PCDHB9: variants seen among roughly 807,000 people sequenced by gnomAD.
The protein encoded by PCDHB9 is protocadherin beta-9.
For missense variants in PCDHB9, 1,072 were observed against 995.1 expected (o/e 1.08, Z -1.04); for synonymous variants, 501 against 439.7 (o/e 1.14, Z -1.75).
Position 141,188,641 on chromosome 5 carries a change from C to T in PCDHB9, c.1323C>T (p.Val441=). ...CCGAGCACAGCATAACCCTGCAGGT[C>T]TCCGACGTCAATGACAACGCCCCCG... ...LKTEHSITLQ[V]SDVNDNAPAF... Residue 441 remains valine, a synonymous_variant, in exon 1 of 1, where the codon GTC becomes GTT. Coordinates refer to ENST00000316105, the MANE Select transcript of PCDHB9 (RefSeq NM_019119.5). 6.2e-7 allele frequency: 1 copy of T among 1,614,162 alleles called. No individual in the cohort carries two copies. The highest frequency in any genetic ancestry group is 1.1e-5 in the South Asian group (1 of 91,084).
Position 141,187,174 on chromosome 5 carries a change from G to A in PCDHB9, c.-145G>A. ...CAAAAAGGAAACACTGAGACAGATG[G>A]GCTGAGAAGAAGAGCTGTCGAGTCC... On this transcript the variant is annotated 5_prime_UTR_variant, in exon 1 of 1. Coordinates refer to ENST00000316105, the MANE Select transcript of PCDHB9 (RefSeq NM_019119.5). The A allele has an allele frequency of 8.6e-7, 1 of 1,161,914 alleles. No homozygotes were observed. The highest frequency in any genetic ancestry group is 1.2e-6 in the Non-Finnish European group (1 of 832,994). The allele number at this position is 1,161,914 out of a possible 1,614,324, so 72.0% of individuals were successfully genotyped here.
Position 141,187,484 on chromosome 5 carries a change from GA to G in PCDHB9, c.167del (p.Glu56GlyfsTer54), listed in dbSNP as rs1554282796. 1.9e-6 allele frequency: 3 copies of G among 1,612,808 alleles called. No homozygotes were observed. The highest frequency in any genetic ancestry group is 2.5e-6 in the Non-Finnish European group (3 of 1,179,272). ...TCTGGCAAAGGATCTGGGACTAGCA[GA>G]GGGGGAGCTGGCTGCAAGGGGAACC... ...VNLAKDLGLA[E>X]GELAARGTRV... is the part of the protein sequence containing the mutation. On this transcript the variant is annotated frameshift_variant, in exon 1 of 1. Transcript: ENST00000316105. LOFTEE classifies it low-confidence loss of function (END_TRUNC).
Position 141,189,520 on chromosome 5 carries a change from G to A in PCDHB9, c.2202G>A (p.Gly734=), listed in dbSNP as rs782534419. The change falls in exon 1 of 1, where the codon GGG becomes GGA. Residue 734 remains glycine, a synonymous_variant. Coordinates refer to ENST00000316105, the MANE Select transcript of PCDHB9 (RefSeq NM_019119.5). The part of the protein sequence containing the change: ...RCSVPEGPFP[G]HLVDVSGTGT... ...CGGTGCCCGAGGGTCCTTTTCCAGG[G>A]CATCTGGTGGACGTGAGCGGCACCG... 2.4e-5 allele frequency: 39 copies of A among 1,613,946 alleles called. No individual in the cohort carries two copies. The Admixed American group carries it at 6.3e-4, about 26-fold the overall frequency.
chr5:141,189,033 G>T lies in PCDHB9; in HGVS notation c.1715G>T (p.Cys572Phe), dbSNP rs782552458. Residue 572 changes from cysteine to phenylalanine, a missense_variant, in exon 1 of 1, where the codon TGC (cysteine) becomes TTC (phenylalanine). By Grantham distance (205) the Cys-to-Phe change is radical. Transcript: ENST00000316105. ...LYPLQNGSAP[C>F]TELVPRAAEP... The stretch of plus-strand genomic sequence containing the variant: ...CCGCTGCAGAACGGCTCCGCGCCCT[G>T]CACCGAGCTGGTGCCCCGGGCGGCC... The T allele has an allele frequency of 1.2e-6, 2 of 1,609,088 alleles. No homozygotes were observed. The highest frequency in any genetic ancestry group is 3.3e-5 in the Admixed American group (2 of 59,958).
At position 141,189,851 on chromosome 5, in the gene PCDHB9, AG is replaced by A; in HGVS notation, c.*140del. 1.5e-6 allele frequency: 1 copy of A among 658,734 alleles called. No individual in the cohort carries two copies. Among genetic ancestry groups the A allele is most frequent in the East Asian group, 3.0e-5 (1 of 33,316 alleles). 40.8% of individuals were successfully genotyped at this position (658,734 alleles called of 1,614,324 possible). ...TTTGCGTATTATGCTTAACTTCACA[AG>A]TTAACTTTTTCTTATTTTGTATCCT... On this transcript the variant is annotated 3_prime_UTR_variant, in exon 1 of 1. Coordinates refer to ENST00000316105, the MANE Select transcript of PCDHB9 (RefSeq NM_019119.5).
chr5:141,188,128 C>T lies in PCDHB9; in HGVS notation c.810C>T (p.Asp270=), dbSNP rs1753786101. The part of the protein sequence containing the change: ...LIVKVSAGDA[D]SGVNAEVSYS... ...TTAAAGTGTCTGCAGGAGATGCAGA[C>T]TCAGGAGTCAATGCAGAAGTATCCT... The change falls in exon 1 of 1, where the codon GAC becomes GAT. Residue 270 remains aspartate, a synonymous_variant. Coordinates refer to ENST00000316105, the MANE Select transcript of PCDHB9 (RefSeq NM_019119.5). The T allele has an allele frequency of 6.2e-7, 1 of 1,612,968 alleles. No homozygotes were observed. Among genetic ancestry groups the T allele is most frequent in the Non-Finnish European group, 8.5e-7 (1 of 1,179,334 alleles).
Position 141,189,173 on chromosome 5 carries a change from G to A in PCDHB9, c.1855G>A (p.Ala619Thr), listed in dbSNP as rs782150078. The change falls in exon 1 of 1, where the codon GCG (alanine) becomes ACG (threonine). Residue 619 changes from alanine to threonine, a missense_variant. By Grantham distance (58) the Ala-to-Thr change is moderately conservative (BLOSUM62 0). Coordinates refer to ENST00000316105, the MANE Select transcript of PCDHB9 (RefSeq NM_019119.5). ...ATEPGLFGVW[A>T]HNGEVRTARL... ...GGAGCCCGGGCTGTTCGGTGTGTGG[G>A]CGCACAATGGGGAGGTGCGCACCGC... is the stretch of plus-strand genomic sequence containing the variant. 3.7e-6 allele frequency: 6 copies of A among 1,602,090 alleles called. No homozygotes were observed. In the South Asian group the frequency reaches 5.5e-5, roughly 15 times the overall value.
At position 141,188,295 on chromosome 5, in the gene PCDHB9, G is replaced by A. The variant is rs1753791648; in HGVS notation, c.977G>A (p.Gly326Asp). 1 of 1,614,026 alleles carries A rather than the reference G, an allele frequency of 6.2e-7. No homozygotes were observed. The highest frequency in any genetic ancestry group is 8.5e-7 in the Non-Finnish European group (1 of 1,180,040). The change falls in exon 1 of 1, where the codon GGC becomes GAC. Residue 326 changes from glycine to aspartate, a missense_variant. Coordinates refer to ENST00000316105, the MANE Select transcript of PCDHB9 (RefSeq NM_019119.5). ...AATATACAGGCAATGGACGGCGGAGGCCTTTCTGCAAGATGTACAGTTTTG... is the reference window on the plus strand; with the variant it reads ...AATATACAGGCAATGGACGGCGGAGACCTTTCTGCAAGATGTACAGTTTTG... ...KINIQAMDGG[G>D]LSARCTVLIK... is the part of the protein sequence containing the mutation.
chr5:141,189,056 G>T lies in PCDHB9; in HGVS notation c.1738G>T (p.Ala580Ser), dbSNP rs1554283227. 6.2e-7 allele frequency: 1 copy of T among 1,606,604 alleles called. No individual in the cohort carries two copies. The highest frequency in any genetic ancestry group is 1.3e-5 in the African/African-American group (1 of 74,796). The change falls in exon 1 of 1, where the codon GCC (alanine) becomes TCC (serine). Residue 580 changes from alanine (A) to serine (S), a missense_variant. Transcript: ENST00000316105. Reference protein sequence around the residue: ...APCTELVPRAAEPGYLVTKVV... With the variant: ...APCTELVPRASEPGYLVTKVV... ...CTGCACCGAGCTGGTGCCCCGGGCG[G>T]CCGAGCCGGGCTACCTGGTGACCAA...
Position 141,188,004 on chromosome 5 carries a change from G to T in PCDHB9, c.686G>T (p.Arg229Leu), listed in dbSNP as rs782120289. 8.6e-5 allele frequency: 139 copies of T among 1,613,868 alleles called. No individual in the cohort carries two copies. The highest frequency in any genetic ancestry group is 1.2e-4 in the Non-Finnish European group (136 of 1,180,000). ...SPSRSGTSTI[R>L]IVVLDVNDNV... ...TCCAGGTCTGGGACCTCCACTATAC[G>T]CATTGTGGTCTTGGATGTCAATGAC... Residue 229 changes from arginine (R) to leucine (L), a missense_variant, in exon 1 of 1, where the codon CGC becomes CTC. Physicochemically the swap from Arg to Leu is moderately radical, Grantham distance 102. Transcript: ENST00000316105.
Position 141,191,378 on chromosome 5 carries a change from C to G in PCDHB9, c.*1666C>G, listed in dbSNP as rs1349773688. Reference sequence around the variant, plus strand: ...AAGATAGGTGTTAGTGTGGTCTGTTCTTTACCTCCCTTTATTTGGTGCAGA... The same window carrying G: ...AAGATAGGTGTTAGTGTGGTCTGTTGTTTACCTCCCTTTATTTGGTGCAGA... On this transcript the variant is annotated 3_prime_UTR_variant, in exon 1 of 1. Transcript: ENST00000316105. The G allele has an allele frequency of 2.0e-5, 3 of 152,144 alleles. No individual in the cohort carries two copies. The highest frequency in any genetic ancestry group is 4.4e-5 in the Non-Finnish European group (3 of 68,012). 9.4% of individuals were successfully genotyped at this position (152,144 alleles called of 1,614,324 possible). A position where few individuals can be genotyped will look rare whatever the true frequency, so the allele number is the denominator to read the frequency against.
At position 141,187,871 on chromosome 5, in the gene PCDHB9, A is replaced by G. The variant is rs17844512; in HGVS notation, c.553A>G (p.Ser185Gly). ...NSFFHIKISG[S>G]DEGMIYPELV... The stretch of plus-strand genomic sequence containing the variant: ...TTTTTTCCATATTAAAATTAGTGGC[A>G]GTGATGAAGGCATGATATATCCAGA... The change falls in exon 1 of 1, where the codon AGT becomes GGT. Residue 185 changes from serine to glycine, a missense_variant. Ser to Gly is a moderately conservative substitution (Grantham distance 56). Coordinates refer to ENST00000316105, the MANE Select transcript of PCDHB9 (RefSeq NM_019119.5). 0.23 allele frequency: 375,693 copies of G among 1,614,006 alleles called. 48,270 individuals carry two copies. Among genetic ancestry groups the G allele is most frequent in the East Asian group, 0.53 (23,802 of 44,862 alleles).
chr5:141,190,658 C>CAA lies in PCDHB9; in HGVS notation c.*961_*962dup, dbSNP rs201095971. ...TGTAAATGGGCTTTAGTCTGGAAAC[C>CAA]AAAAAAAAAAAAAAAATTTAGTCAT... On this transcript the variant is annotated 3_prime_UTR_variant, in exon 1 of 1. Transcript: ENST00000316105. 0.059 allele frequency: 7,014 copies of CAA among 118,458 alleles called. 354 individuals are homozygous for CAA. The highest frequency in any genetic ancestry group is 0.089 in the African/African-American group (2,843 of 31,780). The allele number at this position is 118,458 out of a possible 1,614,324, so 7.3% of individuals were successfully genotyped here. A position where few individuals can be genotyped will look rare whatever the true frequency, so the allele number is the denominator to read the frequency against.
chr5:141,190,012 CTT>C lies in PCDHB9; in HGVS notation c.*301_*302del, dbSNP rs1273252633. On this transcript the variant is annotated 3_prime_UTR_variant, in exon 1 of 1. Transcript: ENST00000316105. ...ATTGCCTCTACATTATTCATTAGTT[CTT>C]CTTTTCCTAAAACTTTTTACTTGTT... The C allele has an allele frequency of 8.2e-6, 2 of 244,354 alleles. No homozygotes were observed. The highest frequency in any genetic ancestry group is 1.5e-5 in the Non-Finnish European group (2 of 129,174). 15.1% of individuals were successfully genotyped at this position (244,354 alleles called of 1,614,324 possible). A position where few individuals can be genotyped will look rare whatever the true frequency, so the allele number is the denominator to read the frequency against.
rs201992930 is a variant in PCDHB9, at chr5:141,189,283, C to G, written c.1965C>G (p.Thr655=). 55 of 1,608,662 alleles carry G rather than the reference C, an allele frequency of 3.4e-5. 1 individual carries two copies. The African/African-American group carries it at 6.5e-4, about 19-fold the overall frequency. The change falls in exon 1 of 1, where the codon ACC becomes ACG. Residue 655 remains threonine, a synonymous_variant. Coordinates refer to ENST00000316105, the MANE Select transcript of PCDHB9 (RefSeq NM_019119.5). ...ATGGCGAGCCTCCTCGCTCGGCCACCGCCACGCTGCACGTGCTCCTGGTGG... is the reference window on the plus strand; with the variant it reads ...ATGGCGAGCCTCCTCGCTCGGCCACGGCCACGCTGCACGTGCTCCTGGTGG... The part of the protein sequence containing the change: ...KDNGEPPRSA[T]ATLHVLLVDG...
In PCDHB9 at chr5:141,187,254, G is replaced by T. The variant is rs1753757244; in HGVS notation, c.-65G>T. 2.3e-5 allele frequency: 34 copies of T among 1,500,922 alleles called. No homozygotes were observed. In the Admixed American group the frequency reaches 6.1e-4, roughly 27 times the overall value. The allele number at this position is 1,500,922 out of a possible 1,614,324, so 93.0% of individuals were successfully genotyped here. A position where few individuals can be genotyped will look rare whatever the true frequency, so the allele number is the denominator to read the frequency against. On this transcript the variant is annotated 5_prime_UTR_variant, in exon 1 of 1. Transcript: ENST00000316105. ...TAGATCTCTGGTACACATAAGTCTG[G>T]GTTTGCGATTGCTATTTGTGCTGGG...
rs1811235 is a variant in PCDHB9, at chr5:141,189,425, C to G, written c.2107C>G (p.Leu703Val). 2.2e-5 allele frequency: 35 copies of G among 1,611,340 alleles called. No individual in the cohort carries two copies. Among genetic ancestry groups the G allele is most frequent in the Non-Finnish European group, 3.0e-5 (35 of 1,179,716 alleles). Residue 703 changes from leucine (L) to valine (V), a missense_variant, in exon 1 of 1, where the codon CTC becomes GTC. By Grantham distance (32) the Leu-to-Val change is conservative (BLOSUM62 1). Transcript: ENST00000316105. The part of the protein sequence containing the change: ...ALASVSSLFL[L>V]SVLLFVAVRL... ...GGCCTCGGTGTCTTCGCTCTTCCTC[C>G]TCTCGGTGCTCCTGTTCGTGGCGGT...
At position 141,189,328 on chromosome 5, in the gene PCDHB9, C is replaced by G; in HGVS notation, c.2010C>G (p.Tyr670Ter). The change falls in exon 1 of 1, where the codon TAC becomes TAG. Residue 670 changes from tyrosine to a stop codon, truncating the protein, a stop_gained. Transcript: ENST00000316105. LOFTEE classifies it low-confidence loss of function (END_TRUNC). ...VLLVDGFSQPYLPLPEAAPAQ... is the reference protein window; with the variant it reads ...VLLVDGFSQP ...TGGTGGACGGCTTCTCCCAGCCCTACCTGCCTCTCCCGGAGGCGGCCCCGG... is the reference window on the plus strand; with the variant it reads ...TGGTGGACGGCTTCTCCCAGCCCTAGCTGCCTCTCCCGGAGGCGGCCCCGG... The G allele has an allele frequency of 5.0e-6, 8 of 1,610,878 alleles. No individual in the cohort carries two copies. Among genetic ancestry groups the G allele is most frequent in the Non-Finnish European group, 6.8e-6 (8 of 1,179,766 alleles).
Position 141,188,729 on chromosome 5 carries a change from G to C in PCDHB9, c.1411G>C (p.Gly471Arg), listed in dbSNP as rs373276404. Reference protein sequence around the residue: ...RENNSPALHIGSVSATDRDSG... With the variant: ...RENNSPALHIRSVSATDRDSG... ...GAACAACAGCCCCGCCCTGCACATC[G>C]GCAGTGTCAGCGCCACAGACAGAGA... Residue 471 changes from glycine (G) to arginine (R), a missense_variant, in exon 1 of 1, where the codon GGC (glycine) becomes CGC (arginine). Gly to Arg is a moderately radical substitution (Grantham distance 125). Transcript: ENST00000316105. 511 of 1,613,458 alleles carry C rather than the reference G, an allele frequency of 3.2e-4. 3 individuals carry two copies. Among genetic ancestry groups the C allele is most frequent in the African/African-American group, 1.7e-3 (130 of 74,974 alleles).
Sources: allele counts gnomAD v4.1 joint callset, GRCh38; gene constraint gnomAD v4.1.1; transcripts MANE v1.5; gene names NCBI Gene and HGNC (gene_info 2026-07-23, HGNC 2026-07-21).